The following DOT1L variants were observed in gnomAD, a reference collection of about 807,000 sequenced individuals.
DOT1L encodes DOT1 like histone lysine methyltransferase.
Under a neutral mutation model 153.3 loss-of-function variants are expected in DOT1L, and 33 were observed. That is an observed-to-expected ratio of 0.22 (90% confidence interval 0.16 to 0.29). The LOEUF is 0.29. Among genes scored for constraint, DOT1L ranks in the 10% least tolerant of loss-of-function variants. The pLI is 1.00. For missense variants in DOT1L, 1,847 were observed against 2,119.9 expected (o/e 0.87, Z 2.53); for synonymous variants, 1,135 against 965.1 (o/e 1.18, Z -3.26).
chr19:2,204,131 G>T lies in DOT1L; in HGVS notation c.787+1352G>T, dbSNP rs925647749. Among the ~76,000 whole-genome samples, 2 of 151,952 alleles carry T rather than the reference G, an allele frequency of 1.3e-5. No individual in the cohort carries two copies. Among genetic ancestry groups the T allele is most frequent in the Non-Finnish European group, 2.9e-5 (2 of 67,962 alleles). On this transcript the variant is annotated intron_variant, in intron 9 of 27. Transcript: ENST00000398665. The surrounding 1 kb of genome is among the most constrained non-coding windows in gnomAD (Gnocchi z 5.7). ...TGTGCGTGTCTGTGTCTCTGTGCAT[G>T]CCTGTGTCTCTGTGTGTGCCCGTGT...
At position 2,229,783 on chromosome 19, in the gene DOT1L, A is replaced by G. The variant is rs754384597; in HGVS notation, c.4607-2A>G. On this transcript the variant is annotated splice_acceptor_variant, in intron 27 of 27. Transcript: ENST00000398665. LOFTEE classifies it high-confidence loss of function. ...CGCTCTTCCCGCTGTGCCCTTCTGC[A>G]GGTAACTAGGATTTCTACCTCAACC... is the stretch of plus-strand genomic sequence containing the variant. The G allele has an allele frequency of 6.2e-7, 1 of 1,613,282 alleles. No homozygotes were observed.
chr19:2,178,574 G>A (rs985060640), intron 1 of DOT1L, among the ~76,000 whole-genome samples: 1 of 151,776 alleles, frequency 6.6e-6, no homozygotes, highest in African/African-American at 2.4e-5. Flanking sequence ...CCGTCACTAC[G>A]CCTGGCTAAC....
At chr19:2,229,741 C>T (rs377650487) in intron 27 of DOT1L, 44 bp from the exon 28 acceptor site, 16 of 1,612,264 alleles carry the variant, frequency 9.9e-6, no homozygotes, top group East Asian at 4.5e-5. Flanking sequence ...CCCCCAGGCG[C>T]GATGGTAACC....
At chr19:2,202,606 G>T in intron 8 of DOT1L, 94 bp from the exon 9 acceptor site, 2 of 1,292,604 alleles carry the variant, frequency 1.5e-6, no homozygotes, top group Admixed American at 1.8e-5. Flanking sequence ...TGTGGGCAGG[G>T]CCTAGCACCG....
At chr19:2,202,874 A>G (rs2023344832) in intron 9 of DOT1L, 95 bp downstream of exon 9, 3 of 1,262,068 alleles carry the variant, frequency 2.4e-6, no homozygotes, top group South Asian at 1.2e-5. Flanking sequence ...AAGGCAGCTC[A>G]GACTTGGGGT....
intron 3 of DOT1L, among the ~76,000 whole-genome samples, chr19:2,187,070 C>G (rs1035214187): frequency 1.3e-5 from 2 of 152,216 alleles, no homozygotes; most frequent in Non-Finnish European, 2.9e-5. Flanking sequence ...TGATTGCCTC[C>G]ATCTCCAGTC....
Position 2,210,614 on chromosome 19 carries a change from C to T in DOT1L, c.1117-7C>T, listed in dbSNP as rs1055265558. ...GCCCATCCCTGTTCTTCCCTTGTGT[C>T]CTCCAGGACTCTGGTGCTGAGGAAG... On this transcript the variant is annotated splice_region_variant and splice_polypyrimidine_tract_variant and intron_variant, in intron 13 of 27. Transcript: ENST00000398665. The T allele has an allele frequency of 1.2e-6, 2 of 1,611,022 alleles. No individual in the cohort carries two copies. Among genetic ancestry groups the T allele is most frequent in the African/African-American group, 2.7e-5 (2 of 74,820 alleles).
intron 9 of DOT1L, among the ~76,000 whole-genome samples, chr19:2,203,040 G>C (rs2023354608): frequency 6.6e-6 from 1 of 151,686 alleles, no homozygotes; most frequent in Non-Finnish European, 1.5e-5. Context: ...TTCTGCGTCA[G>C]TCTCCCGAGT....
intron 27 of DOT1L, chr19:2,227,653 CT>C: frequency 7.9e-7 from 1 of 1,260,350 alleles, no homozygotes; most frequent in East Asian, 6.7e-5. Flanking sequence ...TTTCGCTTCC[CT>C]TTTTGTGAGC....
chr19:2,227,633 G>A (rs2144944441), intron 27 of DOT1L: 1 of 1,206,550 alleles, frequency 8.3e-7, no homozygotes, highest in Non-Finnish European at 1.1e-6. Context: ...GCACACGCCT[G>A]GCGGCGCCGT....
chr19:2,216,516 A>C lies in DOT1L; in HGVS notation c.2159A>C (p.Tyr720Ser), dbSNP rs985105993. ...ELSMNGQAAG[Y>S]ELCGVLSRPS... is the part of the protein sequence containing the mutation. ...TCCATGAACGGCCAGGCTGCTGGCT[A>C]TGAGCTCTGCGGTGTGCTGAGCCGG... Residue 720 changes from tyrosine (Y) to serine (S), a missense_variant, in exon 20 of 28, where the codon TAT becomes TCT. By Grantham distance (144) the Tyr-to-Ser change is moderately radical. Transcript: ENST00000398665. The C allele has an allele frequency of 2.5e-6, 4 of 1,612,156 alleles. No individual in the cohort carries two copies. Among genetic ancestry groups the C allele is most frequent in the Non-Finnish European group, 2.5e-6 (3 of 1,179,940 alleles).
At position 2,210,610 on chromosome 19, in the gene DOT1L, G is replaced by GT. The variant is rs1474176980; in HGVS notation, c.1117-10dup. 4 of 1,610,648 alleles carry GT rather than the reference G, an allele frequency of 2.5e-6. No homozygotes were observed. The African/African-American group carries it at 5.3e-5, about 22-fold the overall frequency. ...CTGTGCCCATCCCTGTTCTTCCCTT[G>GT]TGTCCTCCAGGACTCTGGTGCTGAG... is the stretch of plus-strand genomic sequence containing the variant. On this transcript the variant is annotated splice_polypyrimidine_tract_variant and intron_variant, in intron 13 of 27. Coordinates refer to ENST00000398665, the MANE Select transcript of DOT1L (RefSeq NM_032482.3).
intron 27 of DOT1L, chr19:2,229,329 C>T (rs1009798518): frequency 2.0e-6 from 2 of 985,460 alleles, no homozygotes; most frequent in Middle Eastern, 5.2e-4. Context: ...GGCCTTCTGC[C>T]TCAGGGGCCC....
chr19:2,220,732 G>A lies in DOT1L; in HGVS notation c.2806+510G>A, dbSNP rs183989900. On this transcript the variant is annotated intron_variant, in intron 23 of 27. Coordinates refer to ENST00000398665, the MANE Select transcript of DOT1L (RefSeq NM_032482.3). This position sits in a 1 kb window ranked among gnomAD's most constrained non-coding sequence, Gnocchi z 4.5. ...TGTTGACACTGCAGGCCTGTCTGTT[G>A]TGGAAGCCGCAGAGACAGCATGTCA... 3.4e-4 allele frequency: 121 copies of A among 354,040 alleles called. 1 individual carries two copies. The highest frequency in any genetic ancestry group is 2.5e-3 in the African/African-American group (116 of 46,794). The allele number at this position is 354,040 out of a possible 1,614,324, so 21.9% of individuals were successfully genotyped here.
intron 7 of DOT1L, among the ~76,000 whole-genome samples, chr19:2,196,773 G>A (rs747738153): frequency 6.6e-5 from 10 of 152,126 alleles, no homozygotes; most frequent in East Asian, 1.9e-4. Flanking sequence ...CATGTGAGTC[G>A]TGAGGGCAAG....
rs554478383 is a variant in DOT1L, at chr19:2,200,016, G to A, written c.707+77G>A. The A allele has an allele frequency of 7.7e-5, 120 of 1,561,608 alleles. No homozygotes were observed. In the African/African-American group the frequency reaches 1.3e-3, roughly 17 times the overall value. Reference sequence around the variant, plus strand: ...GGCGGTGGCCATGGCACCGGGGACCGGGAGCGGCCCCTCGCTCCTGTGCTG... The same window carrying A: ...GGCGGTGGCCATGGCACCGGGGACCAGGAGCGGCCCCTCGCTCCTGTGCTG... On this transcript the variant is annotated intron_variant, in intron 8 of 27. Transcript: ENST00000398665.
chr19:2,166,293 T>C (rs1599520470), intron 1 of DOT1L, among the ~76,000 whole-genome samples: 2 of 151,216 alleles, frequency 1.3e-5, no homozygotes, highest in South Asian at 4.2e-4. Context: ...ACGGGGTTTC[T>C]CCATGTTCAT....
chr19:2,182,249 T>C (rs1413641791), intron 2 of DOT1L, among the ~76,000 whole-genome samples: 1 of 151,070 alleles, frequency 6.6e-6, no homozygotes, highest in Non-Finnish European at 1.5e-5. Flanking sequence ...AATAAATAAA[T>C]AAATAATGCT....
intron 10 of DOT1L, among the ~76,000 whole-genome samples, 166 bp downstream of exon 10, chr19:2,206,963 T>G (rs1452240974): frequency 6.6e-6 from 1 of 152,148 alleles, no homozygotes; most frequent in African/African-American, 2.4e-5. Context: ...GTCCCTGGTG[T>G]CCACCCACTC....
Sources: allele counts gnomAD v4.1 joint callset (sites outside exome capture counted in the v4.1 genomes callset), GRCh38; gene constraint gnomAD v4.1.1; non-coding constraint Gnocchi (gnomAD v3.1); transcripts MANE v1.5; gene names NCBI Gene and HGNC (gene_info 2026-07-23, HGNC 2026-07-21).